Variants in TPD52 observed in about 807,000 individuals in gnomAD.
TPD52 encodes prostate and colon associated protein.
A neutral mutation model predicts 31.3 loss-of-function variants in TPD52; 17 were observed. The ratio of observed to expected loss-of-function variants is 0.54; its 90% confidence interval spans 0.37 to 0.82. TPD52 has a LOEUF of 0.82. Among genes scored for constraint, TPD52 ranks in the 40% least tolerant of loss-of-function variants. The probability of loss-of-function intolerance (pLI) is 0.00; values close to 1 mark genes in which losing one functional copy is unlikely to be tolerated. For synonymous variants in TPD52, 83 were observed against 89.6 expected, an observed-to-expected ratio of 0.93 and a Z score of 0.42; for missense variants, 212 against 240.1, an observed-to-expected ratio of 0.88 and a Z score of 0.77.
intron 1 of TPD52, among the ~76,000 whole-genome samples, chr8:80,101,218 C>T (rs966990101): frequency 5.9e-5 from 9 of 152,272 alleles, no homozygotes; most frequent in Middle Eastern, 3.4e-3. Context: ...GAGGCTGAGG[C>T]GGGCAGATCG....
intron 1 of TPD52, among the ~76,000 whole-genome samples, chr8:80,164,212 A>G (rs1049052223): frequency 4.6e-5 from 7 of 152,210 alleles, no homozygotes; most frequent in Admixed American, 3.3e-4. Context: ...AGAAAAAAAA[A>G]TAGAGTAATC....
chr8:80,053,345 T>C lies in TPD52; in HGVS notation c.221A>G (p.Asn74Ser), dbSNP rs200499338. ...LAEIKRKLGI[N>S]SLQELKQNIA... ...GTTCTGTTTTAGTTCCTGTAGAGAA[T>C]TGATTCCAAGTTTCCGCTTGATCTC... Residue 74 changes from asparagine (N) to serine (S), a missense_variant, in exon 3 of 8, where the codon AAT (asparagine) becomes AGT (serine). Coordinates refer to ENST00000518937, the MANE Select transcript of TPD52 (RefSeq NM_001025253.3). 76 of 1,613,830 alleles carry C rather than the reference T, an allele frequency of 4.7e-5. No homozygotes were observed. The Admixed American group carries it at 8.2e-4, about 17-fold the overall frequency.
chr8:80,042,179 C>A (rs1810453305), intron 7 of TPD52: 1 of 985,160 alleles, frequency 1.0e-6, no homozygotes, highest in Non-Finnish European at 1.2e-6. Flanking sequence ...TGATGTATGG[C>A]TACTTCTTTT....
At chr8:80,076,425 T>G (rs527825990) in intron 1 of TPD52, among the ~76,000 whole-genome samples, 1 of 152,158 alleles carries the variant, frequency 6.6e-6, no homozygotes, top group Admixed American at 6.5e-5. Context: ...ACAGGGCACC[T>G]TGTCACTTAT....
chr8:80,167,510 A>G (rs1811794541), intron 1 of TPD52, among the ~76,000 whole-genome samples: 1 of 152,252 alleles, frequency 6.6e-6, no homozygotes. Flanking sequence ...AGTGAAGAAG[A>G]GCTAACAAAG....
intron 1 of TPD52, among the ~76,000 whole-genome samples, chr8:80,081,389 G>A (rs1040686069): frequency 7.9e-6 from 1 of 127,034 alleles, no homozygotes; most frequent in Non-Finnish European, 1.7e-5. Context: ...CTTTAACACA[G>A]TCTCTTAGCA....
intron 1 of TPD52, among the ~76,000 whole-genome samples, chr8:80,106,795 C>T (rs1355529183): frequency 6.6e-6 from 1 of 151,216 alleles, no homozygotes; most frequent in Non-Finnish European, 1.5e-5. Context: ...GCCATGAGAC[C>T]CAATTTGGTT....
At chr8:80,154,661 C>CAATT (rs1364952053) in intron 1 of TPD52, among the ~76,000 whole-genome samples, 1 of 151,334 alleles carries the variant, frequency 6.6e-6, no homozygotes, top group South Asian at 2.1e-4. Context: ...TTTAAATTCT[C>CAATT]AATTAATAAT....
intron 1 of TPD52, among the ~76,000 whole-genome samples, chr8:80,170,661 G>T (rs563423999): frequency 2.0e-5 from 3 of 151,256 alleles, no homozygotes; most frequent in Non-Finnish European, 3.0e-5. Flanking sequence ...ACACATCTGC[G>T]TACAGTCACA....
At chr8:80,047,598 G>A (rs907206708) in intron 5 of TPD52, among the ~76,000 whole-genome samples, 6 of 152,156 alleles carry the variant, frequency 3.9e-5, no homozygotes, top group Non-Finnish European at 8.8e-5. Flanking sequence ...AAGAATGAAT[G>A]AATAAATGAA....
intron 1 of TPD52, among the ~76,000 whole-genome samples, chr8:80,115,711 C>T (rs1807817386): frequency 6.6e-6 from 1 of 152,190 alleles, no homozygotes; most frequent in African/African-American, 2.4e-5. Flanking sequence ...TCAATAAAAT[C>T]CATCACTTGT....
chr8:80,098,696 A>T (rs1806510544), intron 1 of TPD52, among the ~76,000 whole-genome samples: 1 of 152,230 alleles, frequency 6.6e-6, no homozygotes, highest in Admixed American at 6.5e-5. Context: ...AACAACAAAG[A>T]ATTTAGAATA....
At chr8:80,102,313 C>T (rs953251257) in intron 1 of TPD52, among the ~76,000 whole-genome samples, 3 of 152,204 alleles carry the variant, frequency 2.0e-5, no homozygotes, top group African/African-American at 7.2e-5. Flanking sequence ...CCTTTTTCTC[C>T]TCTCGATGTT....
chr8:80,134,022 T>C (rs1809213264), intron 1 of TPD52, among the ~76,000 whole-genome samples: 1 of 152,234 alleles, frequency 6.6e-6, no homozygotes, highest in African/African-American at 2.4e-5. Context: ...CATTTTTCCA[T>C]ATACAGTATT....
rs191145839 is a variant in TPD52, at chr8:80,147,479, C to T, written c.19+23946G>A. Among the ~76,000 whole-genome samples the T allele has an allele frequency of 1.3e-4, 20 of 152,308 alleles. No homozygotes were observed. The East Asian group carries it at 3.9e-3, about 29-fold the overall frequency. On this transcript the variant is annotated intron_variant, in intron 1 of 7. Transcript: ENST00000518937. ...TCCGGTGGAGAGAGTACATGACAAA[C>T]AGTCAACACTAGTAGGAAGGACAGC...
chr8:80,047,118 G>C (rs1810939670), intron 5 of TPD52, among the ~76,000 whole-genome samples: 1 of 152,286 alleles, frequency 6.6e-6, no homozygotes. Flanking sequence ...ACAGTGCCTA[G>C]AGGGGCACTG....
chr8:80,061,375 CCG>C (rs1176774728), intron 2 of TPD52, among the ~76,000 whole-genome samples: 28 of 100,378 alleles, frequency 2.8e-4, no homozygotes, highest in South Asian at 1.7e-3. Flanking sequence ...TTCCCCCCCA[CCG>C]CCCCCCCCAA....
chr8:80,141,743 C>A (rs1442329649), intron 1 of TPD52, among the ~76,000 whole-genome samples: 5 of 152,078 alleles, frequency 3.3e-5, no homozygotes, highest in South Asian at 2.1e-4. Context: ...AATCCCGTCT[C>A]TACTAAAAAT....
intron 1 of TPD52, among the ~76,000 whole-genome samples, chr8:80,105,654 A>G (rs1393987941): frequency 6.6e-6 from 1 of 151,462 alleles, no homozygotes; most frequent in Admixed American, 6.6e-5. Context: ...TCGTCCTGCT[A>G]CAAACCTTCT....
Sources: gnomAD v4.1 joint callset for allele counts (sites outside exome capture counted in the v4.1 genomes callset) on GRCh38, gnomAD v4.1.1 for gene constraint, MANE v1.5 for transcripts, NCBI Gene and HGNC (gene_info 2026-07-23, HGNC 2026-07-21) for gene names.